Variants in ACSL1 observed in about 807,000 individuals in gnomAD.
The protein encoded by ACSL1 is acyl-CoA synthetase long chain family member 1, also known as long-chain-fatty-acid--CoA ligase 1.
In ACSL1, 41 loss-of-function variants were observed where a neutral mutation model predicts 98.4. That is an observed-to-expected ratio of 0.42 (90% CI 0.32 to 0.54). The LOEUF is 0.54. Among genes scored for constraint, ACSL1 ranks in the 20% least tolerant of loss-of-function variants. The pLI, the probability that ACSL1 is intolerant of heterozygous loss-of-function variation, is 0.13. For missense variants in ACSL1, 734 were observed against 883.1 expected (o/e 0.83, Z 2.14); for synonymous variants, 316 against 322.7 (o/e 0.98, Z 0.22).
chr4:184,768,019 C>T, intron 12 of ACSL1: 1 of 463,254 alleles, frequency 2.2e-6, no homozygotes, highest in Non-Finnish European at 3.7e-6. Flanking sequence ...GTCCGTGTTA[C>T]ACATGAGGAA....
At chr4:184,806,858 C>A (rs373317147) in intron 1 of ACSL1, among the ~76,000 whole-genome samples, 2 of 152,194 alleles carry the variant, frequency 1.3e-5, no homozygotes. Context: ...AGCCAGGTAA[C>A]AAGCTGCAAG....
chr4:184,767,283 CAAAAA>C (rs59005386), intron 12 of ACSL1, among the ~76,000 whole-genome samples: 3 of 95,584 alleles, frequency 3.1e-5, no homozygotes, highest in Admixed American at 1.2e-4. Flanking sequence ...GACCCTGTCT[CAAAAA>C]AAAAAAAAAA....
chr4:184,803,944 C>T lies in ACSL1; in HGVS notation c.-32-398G>A, dbSNP rs141575795. 6.6e-6 allele frequency among the ~76,000 whole-genome samples: 1 copy of T among 152,188 alleles called. No individual in the cohort carries two copies. The highest frequency in any genetic ancestry group is 1.5e-5 in the Non-Finnish European group (1 of 68,036). ...AAACACTCGACTCTCATTGTCAAGG[C>T]TAATGGGAATATGAGTGAAGGGGAA... On this transcript the variant is annotated intron_variant, in intron 1 of 20. Transcript: ENST00000281455. This position sits in a 1 kb window ranked among gnomAD's most constrained non-coding sequence, Gnocchi z 4.8.
At chr4:184,763,350 A>G in intron 15 of ACSL1, 95 bp from the exon 16 acceptor site, 1 of 1,140,492 alleles carries the variant, frequency 8.8e-7, no homozygotes, top group Non-Finnish European at 1.3e-6. Context: ...CACATAAGAA[A>G]AACGGCTGGG....
intron 1 of ACSL1, among the ~76,000 whole-genome samples, chr4:184,809,168 T>A (rs1272075853): frequency 1.3e-5 from 2 of 152,198 alleles, no homozygotes; most frequent in African/African-American, 4.8e-5. Context: ...TAATCTGACT[T>A]ATTGAAATAT....
chr4:184,768,544 A>G (rs1397237752), intron 11 of ACSL1, 94 bp from the exon 12 acceptor site: 1 of 1,498,186 alleles, frequency 6.7e-7, no homozygotes, highest in African/African-American at 1.5e-5. Flanking sequence ...TTAGCATTTC[A>G]GGCCAGTTTC....
Position 184,773,578 on chromosome 4 carries a change from T to A in ACSL1, c.841+85A>T. 3.1e-6 allele frequency: 4 copies of A among 1,308,804 alleles called. No homozygotes were observed. Among genetic ancestry groups the A allele is most frequent in the Non-Finnish European group, 4.2e-6 (4 of 942,694 alleles). The allele number at this position is 1,308,804 out of a possible 1,614,324, so 81.1% of individuals were successfully genotyped here. ...CTTCTGCTTTTGGTCCGTCTACTGTTAGCTGATAAGTCATCCAAAAGAGGT... is the reference window on the plus strand; with the variant it reads ...CTTCTGCTTTTGGTCCGTCTACTGTAAGCTGATAAGTCATCCAAAAGAGGT... On this transcript the variant is annotated intron_variant, in intron 9 of 20. Transcript: ENST00000281455. The surrounding 1 kb of genome is among the most constrained non-coding windows in gnomAD (Gnocchi z 4.3).
intron 1 of ACSL1, among the ~76,000 whole-genome samples, chr4:184,818,897 C>G (rs746861685): frequency 7.2e-5 from 11 of 152,120 alleles, no homozygotes; most frequent in Admixed American, 6.6e-5. Context: ...ATGTATTAAC[C>G]CTTTAGTTTC....
At chr4:184,813,952 A>C in intron 1 of ACSL1, 1 of 443,636 alleles carries the variant, frequency 2.3e-6, no homozygotes, top group Non-Finnish European at 4.6e-6. Flanking sequence ...GCCCAAAGTC[A>C]GGATCTTCCC....
At position 184,758,012 on chromosome 4, in the gene ACSL1, G is replaced by A; in HGVS notation, c.1783-92C>T. ...TTTTCCATCTTGTGGCCCCCTGGGA[G>A]AATATGATGAAAGTTATGGCTCATC... is the stretch of plus-strand genomic sequence containing the variant. On this transcript the variant is annotated intron_variant, in intron 18 of 20. Transcript: ENST00000281455. The A allele has an allele frequency of 2.4e-6, 3 of 1,243,918 alleles. No individual in the cohort carries two copies. The South Asian group carries it at 3.8e-5, about 16-fold the overall frequency. The allele number at this position is 1,243,918 out of a possible 1,614,324, so 77.1% of individuals were successfully genotyped here.
intron 2 of ACSL1, among the ~76,000 whole-genome samples, chr4:184,797,683 T>C (rs1229795647): frequency 1.3e-5 from 2 of 152,236 alleles, no homozygotes; most frequent in Non-Finnish European, 2.9e-5. Flanking sequence ...TGTAGTTCTA[T>C]GGCATGAAAA....
At chr4:184,805,424 A>G in intron 1 of ACSL1, 1 of 974,616 alleles carries the variant, frequency 1.0e-6, no homozygotes, top group Non-Finnish European at 1.2e-6. Flanking sequence ...CACACACACG[A>G]AATTTCAAGG....
At chr4:184,806,682 C>A (rs1771468091) in intron 1 of ACSL1, among the ~76,000 whole-genome samples, 1 of 151,636 alleles carries the variant, frequency 6.6e-6, no homozygotes, top group Non-Finnish European at 1.5e-5. Flanking sequence ...AGAAAGAACA[C>A]TTTAAAAAAA....
At chr4:184,790,195 C>A (rs1435493908) in intron 2 of ACSL1, among the ~76,000 whole-genome samples, 1 of 152,160 alleles carries the variant, frequency 6.6e-6, no homozygotes, top group Non-Finnish European at 1.5e-5. Flanking sequence ...TGATCTGTTT[C>A]CATGGACTCT....
intron 3 of ACSL1, among the ~76,000 whole-genome samples, chr4:184,787,264 C>T (rs1307160465): frequency 2.0e-5 from 3 of 152,140 alleles, no homozygotes; most frequent in African/African-American, 4.8e-5. Context: ...ATTAGTGGGG[C>T]GCTCACTGTG....
chr4:184,766,711 A>G lies in ACSL1; in HGVS notation c.1174T>C (p.Phe392Leu). The G allele has an allele frequency of 3.1e-6, 5 of 1,614,072 alleles. No homozygotes were observed. The highest frequency in any genetic ancestry group is 1.3e-5 in the African/African-American group (1 of 75,048). ...NTTLKRWLLD[F>L]ASKRKEAELR... Reference sequence around the variant, plus strand: ...TCTGCTTCTTTCCTCTTGGAGGCAAAGTCCAAGAGCCATCGCTTCAGCGTG... The same window carrying G: ...TCTGCTTCTTTCCTCTTGGAGGCAAGGTCCAAGAGCCATCGCTTCAGCGTG... The change falls in exon 13 of 21, where the codon TTT becomes CTT. Residue 392 changes from phenylalanine (F) to leucine (L), a missense_variant. Transcript: ENST00000281455. This position sits in a 1 kb window ranked among gnomAD's most constrained non-coding sequence, Gnocchi z 4.8.
chr4:184,767,616 C>T (rs1763813263), intron 12 of ACSL1, among the ~76,000 whole-genome samples: 1 of 152,188 alleles, frequency 6.6e-6, no homozygotes, highest in Non-Finnish European at 1.5e-5. Flanking sequence ...CTTTGAATTA[C>T]ACACTTTAAA....
At chr4:184,813,526 T>C (rs1367280853) in intron 1 of ACSL1, 2 of 195,418 alleles carry the variant, frequency 1.0e-5, no homozygotes, top group African/African-American at 4.6e-5. Flanking sequence ...ATACGGCATG[T>C]TATTTCAGCT....
upstream of ACSL1, chr4:184,826,021 G>C (rs1773458526): frequency 6.8e-6 from 1 of 147,828 alleles, no homozygotes; most frequent in East Asian, 2.0e-4. Context: ...CCGCCGCCTC[G>C]GCCCGCTGGT....
Sources: allele counts gnomAD v4.1 joint callset (sites outside exome capture counted in the v4.1 genomes callset), GRCh38; gene constraint gnomAD v4.1.1; non-coding constraint Gnocchi (gnomAD v3.1); transcripts MANE v1.5; gene names NCBI Gene and HGNC (gene_info 2026-07-23, HGNC 2026-07-21).